Variants in CAB39L observed in about 807,000 individuals in gnomAD.
The protein encoded by CAB39L is calcium-binding protein 39-like.
Under a neutral mutation model 39.1 loss-of-function variants are expected in CAB39L, and 23 were observed. The ratio of observed to expected loss-of-function variants is 0.59; its 90% CI spans 0.42 to 0.83. The LOEUF is 0.83. Among genes scored for constraint, CAB39L ranks in the 40% least tolerant of loss-of-function variants. CAB39L has a pLI of 0.00. For synonymous variants in CAB39L, 126 were observed against 137.2 expected, an observed-to-expected ratio of 0.92 and a Z score of 0.57; for missense variants, 366 against 391.9, an observed-to-expected ratio of 0.93 and a Z score of 0.56.
At chr13:49,398,621 C>T (rs1306588350) in intron 3 of CAB39L, among the ~76,000 whole-genome samples, 1 of 151,994 alleles carries the variant, frequency 6.6e-6, no homozygotes, top group African/African-American at 2.4e-5. Flanking sequence ...TACAAATCAT[C>T]CAAGATAACC....
intron 1 of CAB39L, among the ~76,000 whole-genome samples, chr13:49,439,245 C>CT (rs898670799): frequency 3.4e-4 from 52 of 152,122 alleles, no homozygotes; most frequent in African/African-American, 1.2e-3. Flanking sequence ...CATCTCATTT[C>CT]TTTTTTTCCC....
intron 3 of CAB39L, among the ~76,000 whole-genome samples, chr13:49,423,178 A>G (rs1957196464): frequency 6.6e-6 from 1 of 152,230 alleles, no homozygotes; most frequent in South Asian, 2.1e-4. Context: ...ACGGCAGGTG[A>G]AACAGATTAC....
chr13:49,321,954 C>A (rs1954356741), intron 10 of CAB39L, among the ~76,000 whole-genome samples: 1 of 152,110 alleles, frequency 6.6e-6, no homozygotes. Flanking sequence ...CTATATCTCA[C>A]GGAGTTTTTA....
At chr13:49,314,268 C>T (rs1954088936) in intron 10 of CAB39L, among the ~76,000 whole-genome samples, 1 of 152,022 alleles carries the variant, frequency 6.6e-6, no homozygotes, top group Admixed American at 6.5e-5. Flanking sequence ...GCAGTGTGTC[C>T]ACCAGCAAAG....
At chr13:49,398,364 T>C (rs1309099104) in intron 3 of CAB39L, among the ~76,000 whole-genome samples, 7 of 152,136 alleles carry the variant, frequency 4.6e-5, no homozygotes, top group Non-Finnish European at 1.0e-4. Flanking sequence ...TTTTTCTTTG[T>C]TATGTGACTA....
At chr13:49,379,365 G>A (rs1480264028) in intron 4 of CAB39L, among the ~76,000 whole-genome samples, 1 of 21,548 alleles carries the variant, frequency 4.6e-5, no homozygotes, top group Non-Finnish European at 9.2e-5. Context: ...AAATTCCTCT[G>A]CCTTGGGATC....
intron 8 of CAB39L, among the ~76,000 whole-genome samples, chr13:49,343,832 T>C (rs1399240156): frequency 6.6e-6 from 1 of 152,188 alleles, no homozygotes; most frequent in South Asian, 2.1e-4. Flanking sequence ...GTAAGACTAA[T>C]TATCAACCAA....
At chr13:49,428,818 G>A (rs910343500) in intron 3 of CAB39L, among the ~76,000 whole-genome samples, 6 of 109,886 alleles carry the variant, frequency 5.5e-5, no homozygotes, top group Admixed American at 4.9e-4. Flanking sequence ...GAAAGTAGGA[G>A]GTTGGTATGA....
At chr13:49,413,173 C>T (rs1230168110) in intron 3 of CAB39L, 1 of 151,980 alleles carries the variant, frequency 6.6e-6, no homozygotes, top group Non-Finnish European at 1.5e-5. Flanking sequence ...CACCTGAATA[C>T]AAAGTTTTGA....
intron 3 of CAB39L, among the ~76,000 whole-genome samples, chr13:49,407,266 G>A (rs1278554170): frequency 6.6e-6 from 1 of 152,120 alleles, no homozygotes; most frequent in Non-Finnish European, 1.5e-5. Context: ...CTTAAATGTG[G>A]TAGCTTTGGT....
At chr13:49,399,532 T>C (rs1000944944) in intron 3 of CAB39L, among the ~76,000 whole-genome samples, 24 of 152,110 alleles carry the variant, frequency 1.6e-4, no homozygotes, top group African/African-American at 5.3e-4. Context: ...ATGGGTAAAA[T>C]ACATGCTTAG....
chr13:49,433,982 T>G, intron 2 of CAB39L, 104 bp downstream of exon 2: 1 of 347,278 alleles, frequency 2.9e-6, no homozygotes, highest in South Asian at 2.2e-5. Context: ...GTTCGCACCT[T>G]TACTAATTTC....
At chr13:49,407,923 A>C (rs1956915847) in intron 3 of CAB39L, among the ~76,000 whole-genome samples, 1 of 145,852 alleles carries the variant, frequency 6.9e-6, no homozygotes, top group African/African-American at 2.5e-5. Context: ...ATGCTATGTG[A>C]ATGATAATAG....
chr13:49,328,845 T>A (rs1954580438), intron 10 of CAB39L, among the ~76,000 whole-genome samples: 1 of 152,092 alleles, frequency 6.6e-6, no homozygotes, highest in Non-Finnish European at 1.5e-5. Flanking sequence ...AAGAAAAATT[T>A]CTATTATGTT....
chr13:49,404,092 C>G (rs9526555), intron 3 of CAB39L, among the ~76,000 whole-genome samples: 63,945 of 151,970 alleles, frequency 0.42, 13,765 homozygotes, highest in Middle Eastern at 0.53. Flanking sequence ...GCTGGCTTCA[C>G]GTGTGACCCA....
At chr13:49,380,014 A>G (rs7334803) in intron 4 of CAB39L, among the ~76,000 whole-genome samples, 82,301 of 151,646 alleles carry the variant, frequency 0.54, 23,650 homozygotes, top group African/African-American at 0.71. Flanking sequence ...GCTAATTTTT[A>G]TACTTTTAGT....
chr13:49,311,558 A>G (rs904921557), intron 10 of CAB39L, among the ~76,000 whole-genome samples: 1 of 152,204 alleles, frequency 6.6e-6, no homozygotes, highest in Middle Eastern at 3.2e-3. Flanking sequence ...TGACACCTCC[A>G]TGGGTGTTAT....
intron 3 of CAB39L, among the ~76,000 whole-genome samples, chr13:49,413,485 T>C (rs1376583880): frequency 2.0e-5 from 3 of 152,134 alleles, no homozygotes; most frequent in African/African-American, 7.2e-5. Flanking sequence ...GGAAAATTTT[T>C]TAGCAAAAAT....
intron 9 of CAB39L, among the ~76,000 whole-genome samples, chr13:49,339,384 G>T (rs1411250539): frequency 3.3e-5 from 5 of 152,118 alleles, no homozygotes; most frequent in Non-Finnish European, 7.4e-5. Flanking sequence ...GCCCACTTCG[G>T]CCTCCCAAAG....
Sources: allele counts gnomAD v4.1 joint callset (sites outside exome capture counted in the v4.1 genomes callset), GRCh38; gene constraint gnomAD v4.1.1; transcripts MANE v1.5; gene names NCBI Gene and HGNC (gene_info 2026-07-23, HGNC 2026-07-21).